Variants in XKR3 observed in about 807,000 individuals in gnomAD.
XKR3 encodes XK related 3.
Under a neutral mutation model 40.3 loss-of-function variants are expected in XKR3, and 27 were observed. The observed-to-expected ratio is 0.67, with a 90% CI of 0.49 to 0.92. The LOEUF (loss-of-function observed/expected upper bound fraction) is 0.92, where lower values mean the gene tolerates loss of function less well. Among genes scored for constraint, XKR3 ranks in the 40% least tolerant of loss-of-function variants. The pLI is 0.00. For synonymous variants in XKR3, 193 were observed against 195.4 expected (o/e 0.99, Z 0.10); for missense variants, 472 against 537.6 (o/e 0.88, Z 1.21).
At chr22:16,797,569 G>A (rs1429720354) in intron 3 of XKR3, among the ~76,000 whole-genome samples, 1 of 151,970 alleles carries the variant, frequency 6.6e-6, no homozygotes, top group Admixed American at 6.6e-5. Flanking sequence ...GAGGCGGGCA[G>A]ATCACGAGGT....
At chr22:16,794,886 C>G (rs1261841519) in intron 3 of XKR3, among the ~76,000 whole-genome samples, 1 of 152,140 alleles carries the variant, frequency 6.6e-6, no homozygotes, top group Non-Finnish European at 1.5e-5. Context: ...GATGTGAAAC[C>G]AGTGAAAATT....
At chr22:16,820,683 TTCAA>T (rs2060251887) in intron 1 of XKR3, among the ~76,000 whole-genome samples, 1 of 151,708 alleles carries the variant, frequency 6.6e-6, no homozygotes, top group Admixed American at 6.6e-5. Flanking sequence ...CATTCTTTCA[TTCAA>T]TCACTTACTA....
intron 1 of XKR3, among the ~76,000 whole-genome samples, chr22:16,813,094 T>C (rs1187098109): frequency 2.6e-5 from 4 of 151,800 alleles, no homozygotes; most frequent in Non-Finnish European, 5.9e-5. Flanking sequence ...ATCATCCTGG[T>C]TAACACGGTG....
chr22:16,802,486 T>A (rs575892573), intron 2 of XKR3, among the ~76,000 whole-genome samples: 25 of 146,270 alleles, frequency 1.7e-4, no homozygotes, highest in African/African-American at 5.8e-4. Flanking sequence ...ACCATCCCAG[T>A]CTTTCTTTTT....
intron 3 of XKR3, among the ~76,000 whole-genome samples, chr22:16,787,022 T>C (rs2060093449): frequency 6.6e-6 from 1 of 151,920 alleles, no homozygotes; most frequent in African/African-American, 2.4e-5. Flanking sequence ...AATTCAGAAA[T>C]TTATCAGAGA....
intron 1 of XKR3, among the ~76,000 whole-genome samples, chr22:16,813,742 T>A (rs1240196692): frequency 1.3e-5 from 2 of 152,210 alleles, no homozygotes; most frequent in Non-Finnish European, 2.9e-5. Flanking sequence ...TTTGAGAAAC[T>A]ACCAGACTGT....
chr22:16,810,291 A>T (rs900578440), intron 1 of XKR3, among the ~76,000 whole-genome samples: 10 of 152,160 alleles, frequency 6.6e-5, no homozygotes, highest in African/African-American at 2.4e-4. Context: ...CCACTTTCCA[A>T]ACAACTTTCC....
At chr22:16,801,695 A>T (rs2060169720) in intron 2 of XKR3, among the ~76,000 whole-genome samples, 2 of 152,098 alleles carry the variant, frequency 1.3e-5, no homozygotes, top group Admixed American at 1.3e-4. Flanking sequence ...GCAAAAAAAA[A>T]AAAAGCAAAC....
chr22:16,797,275 C>T (rs1459016534), intron 3 of XKR3, among the ~76,000 whole-genome samples: 1 of 152,136 alleles, frequency 6.6e-6, no homozygotes, highest in Non-Finnish European at 1.5e-5. Context: ...AAATTTTTAG[C>T]TAAGTCCCCA....
At chr22:16,797,792 CA>C (rs558060655) in intron 3 of XKR3, among the ~76,000 whole-genome samples, 14,035 of 87,912 alleles carry the variant, frequency 0.16, 853 homozygotes, top group African/African-American at 0.32. Flanking sequence ...GACTCTGTCT[CA>C]AAAAAAAAAA....
intron 1 of XKR3, among the ~76,000 whole-genome samples, chr22:16,817,540 T>G (rs1470551477): frequency 1.3e-5 from 2 of 152,128 alleles, no homozygotes; most frequent in African/African-American, 4.8e-5. Flanking sequence ...GGCTCAAATA[T>G]TCCAGCTAAA....
intron 3 of XKR3, among the ~76,000 whole-genome samples, chr22:16,799,413 CAAAAAAA>C (rs528071823): frequency 1.2e-4 from 4 of 32,550 alleles, no homozygotes; most frequent in Admixed American, 4.5e-4. Flanking sequence ...GACTATGTCT[CAAAAAAA>C]AAAAAAAAAA....
chr22:16,784,777 C>T (rs2060083053), intron 3 of XKR3, among the ~76,000 whole-genome samples: 2 of 152,058 alleles, frequency 1.3e-5, no homozygotes, highest in African/African-American at 2.4e-5. Flanking sequence ...AAAAAAAATA[C>T]CTGAATTAGA....
At chr22:16,806,594 C>A (rs113820161) in intron 2 of XKR3, among the ~76,000 whole-genome samples, 1 of 150,938 alleles carries the variant, frequency 6.6e-6, no homozygotes, top group Non-Finnish European at 1.5e-5. Flanking sequence ...TGCACCAACA[C>A]GCCCGGCTAT....
chr22:16,813,311 A>C (rs1601850085), intron 1 of XKR3, among the ~76,000 whole-genome samples: 1 of 151,518 alleles, frequency 6.6e-6, no homozygotes, highest in Non-Finnish European at 1.5e-5. Flanking sequence ...AAAAACAAAC[A>C]AACAAAAAAA....
intron 1 of XKR3, among the ~76,000 whole-genome samples, chr22:16,816,857 T>C (rs1601851664): frequency 6.6e-6 from 1 of 152,010 alleles, no homozygotes; most frequent in South Asian, 2.1e-4. Context: ...TAACATGGAA[T>C]TCCCAGTTGC....
rs1389272921 is a variant in XKR3 at position 16,784,242 on chromosome 22, G to T, written c.757C>A (p.Leu253Met). The T allele has an allele frequency of 2.5e-6, 4 of 1,614,042 alleles. No individual in the cohort carries two copies. In the African/African-American group the frequency reaches 5.3e-5, roughly 22 times the overall value. The part of the protein sequence containing the change: ...FLEVISRVVT[L>M]AFFIASLKLK... ...TTCAGAGATGCAATGAAAAATGCCAGAGTCACTACACGTGAGATAACCTCC... is the reference window on the plus strand; with the variant it reads ...TTCAGAGATGCAATGAAAAATGCCATAGTCACTACACGTGAGATAACCTCC... Residue 253 changes from leucine (L) to methionine (M), a missense_variant, in exon 4 of 4, where the codon CTG (leucine) becomes ATG (methionine). Coordinates refer to ENST00000684488, the MANE Select transcript of XKR3 (RefSeq NM_001386955.1).
chr22:16,800,891 T>A (rs1358053607), intron 2 of XKR3, among the ~76,000 whole-genome samples: 1 of 152,054 alleles, frequency 6.6e-6, no homozygotes, highest in Admixed American at 6.5e-5. Flanking sequence ...TGCTTCTCAA[T>A]GATGAGCAAG....
At chr22:16,804,261 G>C (rs1051757553) in intron 2 of XKR3, among the ~76,000 whole-genome samples, 15 of 152,010 alleles carry the variant, frequency 9.9e-5, no homozygotes, top group Admixed American at 3.3e-4. Context: ...CTATATAAGG[G>C]GTCTGGGTAC....
Sources: gnomAD v4.1 joint callset for allele counts (sites outside exome capture counted in the v4.1 genomes callset) on GRCh38, gnomAD v4.1.1 for gene constraint, MANE v1.5 for transcripts, NCBI Gene and HGNC (gene_info 2026-07-23, HGNC 2026-07-21) for gene names.